The following C2CD5 variants were observed in gnomAD, a reference collection of about 807,000 sequenced individuals.
The protein encoded by C2CD5 is C2 domain-containing protein 5.
In C2CD5, 109 loss-of-function variants were observed where a neutral mutation model predicts 130.3. The observed-to-expected ratio is 0.84, with a 90% CI of 0.72 to 0.98. The LOEUF (loss-of-function observed/expected upper bound fraction) is 0.98. Among genes scored for constraint, C2CD5 ranks in the 50% least tolerant of loss-of-function variants. The pLI is 0.00. For missense variants in C2CD5, 996 were observed against 1,261.8 expected (o/e 0.79, Z 3.19); for synonymous variants, 454 against 429.2 (o/e 1.06, Z -0.71).
intron 10 of C2CD5, among the ~76,000 whole-genome samples, chr12:22,497,142 T>C (rs1947121508): frequency 6.6e-6 from 1 of 152,180 alleles, no homozygotes; most frequent in African/African-American, 2.4e-5. Context: ...GTTCAGTTCA[T>C]TTTTATATAG....
intron 13 of C2CD5, chr12:22,484,417 T>G: frequency 3.3e-6 from 1 of 301,698 alleles, no homozygotes; most frequent in East Asian, 5.6e-5. Context: ...CAATCTATAC[T>G]TAGTCACATC....
At chr12:22,461,529 A>G (rs191811973) in intron 22 of C2CD5, among the ~76,000 whole-genome samples, 2 of 152,354 alleles carry the variant, frequency 1.3e-5, no homozygotes, top group East Asian at 3.9e-4. Context: ...TGGAAAAAAC[A>G]AGGTACACAA....
At chr12:22,544,201 T>A (rs754181301) in intron 1 of C2CD5, 22 bp from the exon 2 acceptor site, 3 of 1,572,008 alleles carry the variant, frequency 1.9e-6, no homozygotes, top group Non-Finnish European at 1.7e-6. Flanking sequence ...AACAAACGAG[T>A]CTGCGCCGAG....
intron 16 of C2CD5, among the ~76,000 whole-genome samples, chr12:22,474,546 G>A (rs1344673795): frequency 6.6e-6 from 1 of 152,044 alleles, no homozygotes; most frequent in Non-Finnish European, 1.5e-5. Flanking sequence ...AGAACCATCT[G>A]CATTATTGTA....
At chr12:22,490,264 TA>T in intron 11 of C2CD5, 46 bp from the exon 12 acceptor site, 1 of 1,345,742 alleles carries the variant, frequency 7.4e-7, no homozygotes, top group Non-Finnish European at 1.1e-6. Context: ...TCAGACCGTA[TA>T]ACTTTGGGAA....
chr12:22,520,643 A>T (rs972923202), intron 7 of C2CD5, among the ~76,000 whole-genome samples: 5 of 152,276 alleles, frequency 3.3e-5, no homozygotes, highest in Admixed American at 6.5e-5. Context: ...AAAAAGAATT[A>T]AAAAATCCAA....
chr12:22,478,122 T>TA (rs1242347003), intron 15 of C2CD5, 191 bp downstream of exon 15: 2 of 558,464 alleles, frequency 3.6e-6, no homozygotes, highest in Non-Finnish European at 6.4e-6. Context: ...TCACAATTTT[T>TA]AAATAGGATC....
chr12:22,531,029 T>TG (rs1237696740), intron 3 of C2CD5, among the ~76,000 whole-genome samples: 2 of 152,018 alleles, frequency 1.3e-5, no homozygotes, highest in African/African-American at 2.4e-5. Flanking sequence ...AGGTTATAGT[T>TG]GGGGGGGAAA....
chr12:22,486,240 G>C (rs1371695234), intron 12 of C2CD5, among the ~76,000 whole-genome samples: 4 of 151,380 alleles, frequency 2.6e-5, no homozygotes, highest in Non-Finnish European at 5.9e-5. Context: ...TTGCTTAAGG[G>C]ACAGCTCTAC....
chr12:22,486,096 T>C (rs946463199), intron 12 of C2CD5, among the ~76,000 whole-genome samples: 3 of 151,560 alleles, frequency 2.0e-5, no homozygotes, highest in Admixed American at 6.6e-5. Context: ...CTCTATGGGA[T>C]GGGTTACTTA....
intron 12 of C2CD5, 86 bp from the exon 13 acceptor site, chr12:22,484,974 C>T (rs2136339044): frequency 1.7e-6 from 1 of 579,380 alleles, no homozygotes; most frequent in South Asian, 3.5e-5. Context: ...ATTACATACA[C>T]AGTACTTGTA....
intron 11 of C2CD5, among the ~76,000 whole-genome samples, chr12:22,491,642 G>A (rs1350652424): frequency 6.6e-6 from 1 of 152,090 alleles, no homozygotes; most frequent in Non-Finnish European, 1.5e-5. Context: ...GGGAGGCCGA[G>A]GTGGACAGAT....
Position 22,472,341 on chromosome 12 carries a change from T to C in C2CD5, c.2114A>G (p.Tyr705Cys), listed in dbSNP as rs202165258. ...GGGCATAATTTCTGTATTACAACTATAAAAGCCTGTCAAAATAAATTGTAA... is the reference window on the plus strand; with the variant it reads ...GGGCATAATTTCTGTATTACAACTACAAAAGCCTGTCAAAATAAATTGTAA... The part of the protein sequence containing the change: ...LTDVPPPSGF[Y>C]SCNTEIMPGI... Residue 705 changes from tyrosine (Y) to cysteine (C), a missense_variant, in exon 18 of 27, where the codon TAT becomes TGT. Tyr to Cys is a radical substitution (Grantham distance 194). Around this residue, in one of 9 missense-constraint regions of C2CD5, gnomAD observed 590 missense variants for 631.4 expected, o/e 0.93. Coordinates refer to ENST00000446597, the MANE Select transcript of C2CD5 (RefSeq NM_001286176.2). 14 of 1,416,944 alleles carry C rather than the reference T, an allele frequency of 9.9e-6. No homozygotes were observed. Among genetic ancestry groups the C allele is most frequent in the Non-Finnish European group, 1.4e-5 (14 of 1,022,492 alleles). The allele number at this position is 1,416,944 out of a possible 1,614,324, so 87.8% of individuals were successfully genotyped here. A position where few individuals can be genotyped will look rare whatever the true frequency, so the allele number is the denominator to read the frequency against.
intron 1 of C2CD5, 41 bp from the exon 2 acceptor site, chr12:22,544,220 C>G: frequency 1.3e-6 from 2 of 1,523,936 alleles, no homozygotes; most frequent in Non-Finnish European, 1.8e-6. Flanking sequence ...AGCGCGGGGC[C>G]GGCGGGAGAG....
Position 22,449,622 on chromosome 12 carries a change from A to G in C2CD5, c.*138T>C. 1.3e-6 allele frequency: 1 copy of G among 757,358 alleles called. No individual in the cohort carries two copies. The highest frequency in any genetic ancestry group is 2.1e-6 in the Non-Finnish European group (1 of 485,680). 46.9% of individuals were successfully genotyped at this position (757,358 alleles called of 1,614,324 possible). A position where few individuals can be genotyped will look rare whatever the true frequency, so the allele number is the denominator to read the frequency against. ...ATTAGAAAATTCTCATGCCTCCAAAAGACTCCAGGCAAATCAAATCTACTC... is the reference window on the plus strand; with the variant it reads ...ATTAGAAAATTCTCATGCCTCCAAAGGACTCCAGGCAAATCAAATCTACTC... On this transcript the variant is annotated 3_prime_UTR_variant, in exon 27 of 27. Coordinates refer to ENST00000446597, the MANE Select transcript of C2CD5 (RefSeq NM_001286176.2).
rs1017571586 is a variant in C2CD5 at position 22,482,529 on chromosome 12, A to T, written c.1737+28T>A. The stretch of plus-strand genomic sequence containing the variant: ...ATCTACTATAATTAAGGAAATCATA[A>T]AACAAAACCAAAAACATCTAAACTT... On this transcript the variant is annotated intron_variant, in intron 14 of 26. Transcript: ENST00000446597. 3 of 1,595,408 alleles carry T rather than the reference A, an allele frequency of 1.9e-6. No individual in the cohort carries two copies. In the African/African-American group the frequency reaches 4.1e-5, roughly 22 times the overall value.
intron 25 of C2CD5, among the ~76,000 whole-genome samples, chr12:22,455,011 T>A (rs1335941095): frequency 6.6e-6 from 1 of 152,174 alleles, no homozygotes; most frequent in African/African-American, 2.4e-5. Context: ...CCACAAATTC[T>A]ATTGGACTTA....
At chr12:22,512,187 TAG>T (rs1161333893) in intron 9 of C2CD5, among the ~76,000 whole-genome samples, 1 of 152,168 alleles carries the variant, frequency 6.6e-6, no homozygotes, top group African/African-American at 2.4e-5. Flanking sequence ...CAGCCTTCTC[TAG>T]GTAAACAGTG....
chr12:22,509,238 G>A (rs539234246), intron 9 of C2CD5, among the ~76,000 whole-genome samples: 18 of 152,280 alleles, frequency 1.2e-4, no homozygotes, highest in African/African-American at 3.6e-4. Flanking sequence ...AAGCTAAATG[G>A]AAGATAGTAC....
Sources: allele counts gnomAD v4.1 joint callset (sites outside exome capture counted in the v4.1 genomes callset), GRCh38; gene constraint gnomAD v4.1.1; regional missense constraint gnomAD v4.1.1; transcripts MANE v1.5; gene names NCBI Gene and HGNC (gene_info 2026-07-23, HGNC 2026-07-21).